Variants in PHACTR3 observed in about 807,000 individuals in gnomAD.
PHACTR3 encodes phosphatase and actin regulator 3, also known as protein phosphatase 1, regulatory subunit 123.
PHACTR3 carries 16 observed loss-of-function variants against 66.8 expected under a neutral mutation model. The observed-to-expected ratio is 0.24, with a 90% CI of 0.16 to 0.36. The LOEUF (loss-of-function observed/expected upper bound fraction) is 0.36, where lower values mean the gene tolerates loss of function less well. PHACTR3 is among the 10% of genes least tolerant of loss of function. The pLI, the probability that PHACTR3 is intolerant of heterozygous loss-of-function variation, is 1.00. For missense variants in PHACTR3, 647 were observed against 719.9 expected, an observed-to-expected ratio of 0.90 and a Z score of 1.16; for synonymous variants, 323 against 292.1, an observed-to-expected ratio of 1.11 and a Z score of -1.08.
At chr20:59,713,001 G>T (rs2037960710) in intron 1 of PHACTR3, among the ~76,000 whole-genome samples, 1 of 152,230 alleles carries the variant, frequency 6.6e-6, no homozygotes, top group South Asian at 2.1e-4. Context: ...ATTCCGTTGA[G>T]ATATGAAATA....
rs577883856 is a variant in PHACTR3, at chr20:59,697,206, C to A, written c.119-45901C>A. Reference sequence around the variant, plus strand: ...CTCCCGGGTTTGACCAGGAGCCCAGCAGCCCTTCCCCAGAGCCTGTTGACA... The same window carrying A: ...CTCCCGGGTTTGACCAGGAGCCCAGAAGCCCTTCCCCAGAGCCTGTTGACA... On this transcript the variant is annotated intron_variant, in intron 1 of 12. Transcript: ENST00000371015. 2.3e-3 allele frequency among the ~76,000 whole-genome samples: 351 copies of A among 152,298 alleles called. 3 individuals are homozygous for A. The highest frequency in any genetic ancestry group is 3.9e-3 in the Non-Finnish European group (267 of 68,024).
intron 1 of PHACTR3, among the ~76,000 whole-genome samples, chr20:59,578,228 G>T (rs2032770516): frequency 6.6e-6 from 1 of 152,222 alleles, no homozygotes; most frequent in Non-Finnish European, 1.5e-5. Flanking sequence ...CCCCAGCTGG[G>T]CCAGGGAAGA....
chr20:59,832,378 T>C (rs1323725162), intron 8 of PHACTR3, among the ~76,000 whole-genome samples: 1 of 152,170 alleles, frequency 6.6e-6, no homozygotes, highest in Non-Finnish European at 1.5e-5. Flanking sequence ...ATACTTAGGG[T>C]AACAAGTATT....
intron 1 of PHACTR3, among the ~76,000 whole-genome samples, chr20:59,621,992 C>T (rs1327559647): frequency 6.6e-6 from 1 of 152,204 alleles, no homozygotes; most frequent in Non-Finnish European, 1.5e-5. Flanking sequence ...ACCTTCACTA[C>T]AGCTTTTTCT....
At chr20:59,809,017 C>T (rs542256868) in intron 8 of PHACTR3, among the ~76,000 whole-genome samples, 8 of 152,302 alleles carry the variant, frequency 5.3e-5, no homozygotes, top group South Asian at 4.1e-4. Context: ...GAACGCTCCC[C>T]GGGTGAGAAT....
chr20:59,610,936 A>G (rs930697643), intron 1 of PHACTR3, among the ~76,000 whole-genome samples: 1 of 152,234 alleles, frequency 6.6e-6, no homozygotes, highest in Admixed American at 6.5e-5. Context: ...CAGCAGAGAT[A>G]ATTTCCTATC....
chr20:59,775,208 G>T (rs970280351), intron 7 of PHACTR3, among the ~76,000 whole-genome samples: 2 of 152,194 alleles, frequency 1.3e-5, no homozygotes, highest in African/African-American at 4.8e-5. Flanking sequence ...TGCTGAGGGG[G>T]TTTCCCTCCC....
chr20:59,770,882 G>A lies in PHACTR3; in HGVS notation c.752-2397G>A, dbSNP rs530545358. The stretch of plus-strand genomic sequence containing the variant: ...TCCAGTTGGTAACGCTCAACTCTGC[G>A]GGATGGGAGTCCCACAGCCTCTGCC... On this transcript the variant is annotated intron_variant, in intron 5 of 12. Coordinates refer to ENST00000371015, the MANE Select transcript of PHACTR3 (RefSeq NM_080672.5). Among the ~76,000 whole-genome samples the A allele has an allele frequency of 6.6e-5, 10 of 152,322 alleles. No homozygotes were observed. In the South Asian group the frequency reaches 8.3e-4, roughly 13 times the overall value.
At chr20:59,684,532 A>G (rs2036785075) in intron 1 of PHACTR3, among the ~76,000 whole-genome samples, 1 of 152,166 alleles carries the variant, frequency 6.6e-6, no homozygotes, top group African/African-American at 2.4e-5. Flanking sequence ...GTTATCTGCA[A>G]TCCACCCTAG....
chr20:59,630,341 C>T (rs1310925407), intron 1 of PHACTR3, among the ~76,000 whole-genome samples: 4 of 152,062 alleles, frequency 2.6e-5, no homozygotes, highest in Non-Finnish European at 5.9e-5. Flanking sequence ...CACCACCACA[C>T]CTGGCTAATT....
At chr20:59,806,260 A>C in intron 8 of PHACTR3, 66 bp downstream of exon 8, 1 of 1,564,980 alleles carries the variant, frequency 6.4e-7, no homozygotes, top group Admixed American at 1.8e-5. Flanking sequence ...CCCCTCTGAG[A>C]TCCCACATCC....
chr20:59,659,218 A>T (rs2146471122), intron 1 of PHACTR3, among the ~76,000 whole-genome samples: 2 of 152,058 alleles, frequency 1.3e-5, no homozygotes, highest in Middle Eastern at 6.8e-3. Flanking sequence ...CCTCTTTTTG[A>T]TCACAAATCA....
chr20:59,756,628 A>G (rs1311399168), intron 4 of PHACTR3, among the ~76,000 whole-genome samples: 1 of 150,408 alleles, frequency 6.6e-6, no homozygotes, highest in Non-Finnish European at 1.5e-5. Context: ...CTCCACACAC[A>G]CAGGTCTCTG....
chr20:59,752,944 G>A (rs574756075), intron 3 of PHACTR3, among the ~76,000 whole-genome samples: 6 of 152,272 alleles, frequency 3.9e-5, no homozygotes, highest in East Asian at 3.9e-4. Context: ...ACGGTTGCAC[G>A]TCAAATGCGA....
intron 9 of PHACTR3, among the ~76,000 whole-genome samples, 171 bp downstream of exon 9, chr20:59,836,731 T>A (rs2058974519): frequency 6.6e-6 from 1 of 152,158 alleles, no homozygotes. Context: ...AAAGCTGATA[T>A]ACCTAGAAAC....
chr20:59,787,586 GT>G (rs2040955442), intron 7 of PHACTR3, among the ~76,000 whole-genome samples: 2 of 152,158 alleles, frequency 1.3e-5, no homozygotes, highest in African/African-American at 4.8e-5. Flanking sequence ...GCCAACAACC[GT>G]GGCACACACA....
At chr20:59,819,982 T>C (rs1288011471) in intron 8 of PHACTR3, among the ~76,000 whole-genome samples, 1 of 152,246 alleles carries the variant, frequency 6.6e-6, no homozygotes, top group Non-Finnish European at 1.5e-5. Context: ...TCTTCCTTTT[T>C]TTGATGCTGC....
intron 1 of PHACTR3, among the ~76,000 whole-genome samples, chr20:59,598,437 C>T (rs540921891): frequency 2.0e-4 from 31 of 152,300 alleles, no homozygotes; most frequent in African/African-American, 7.2e-4. Context: ...GGGACCTGAT[C>T]TTGTGCCTGG....
chr20:59,824,885 C>T (rs1227715892), intron 8 of PHACTR3, among the ~76,000 whole-genome samples: 6 of 152,162 alleles, frequency 3.9e-5, no homozygotes, highest in Non-Finnish European at 7.3e-5. Flanking sequence ...TGCTGTTTGG[C>T]ACAACCACAC....
Sources: allele counts gnomAD v4.1 joint callset (sites outside exome capture counted in the v4.1 genomes callset), GRCh38; gene constraint gnomAD v4.1.1; transcripts MANE v1.5; gene names NCBI Gene and HGNC (gene_info 2026-07-23, HGNC 2026-07-21).